Variants in SLC25A24 observed in about 807,000 individuals in gnomAD.
SLC25A24 encodes mitochondrial adenyl nucleotide antiporter SLC25A24.
Under a neutral mutation model 60.7 loss-of-function variants are expected in SLC25A24, and 49 were observed. That is an observed-to-expected ratio of 0.81 (90% confidence interval 0.64 to 1.02). The LOEUF is 1.02. Ranked by LOEUF, SLC25A24 falls within the 50% of genes least tolerant of loss-of-function variation. The probability of loss-of-function intolerance (pLI) is 0.00; values close to 1 mark genes in which losing one functional copy is unlikely to be tolerated. For missense variants in SLC25A24, 564 were observed against 586.3 expected (o/e 0.96, Z 0.39); for synonymous variants, 202 against 200.6 (o/e 1.01, Z -0.06).
intron 6 of SLC25A24, among the ~76,000 whole-genome samples, chr1:108,150,801 T>C (rs776705194): frequency 4.6e-5 from 7 of 152,166 alleles, no homozygotes; most frequent in Admixed American, 2.6e-4. Flanking sequence ...ACAAACTCCC[T>C]TGAAACACCT....
chr1:108,152,515 C>T (rs10881507), intron 6 of SLC25A24, among the ~76,000 whole-genome samples: 75,684 of 151,958 alleles, frequency 0.5, 19,298 homozygotes, highest in African/African-American at 0.6. Context: ...CACCCCCACG[C>T]CCAACTAATT....
chr1:108,163,436 G>A (rs941274191), intron 3 of SLC25A24, among the ~76,000 whole-genome samples: 14 of 150,422 alleles, frequency 9.3e-5, no homozygotes, highest in Non-Finnish European at 1.9e-4. Flanking sequence ...AGCATGGAAT[G>A]TTCTTCCATT....
At chr1:108,148,410 C>T (rs778182171) in intron 6 of SLC25A24, 24 bp from the exon 7 acceptor site, 4 of 1,292,318 alleles carry the variant, frequency 3.1e-6, no homozygotes, top group South Asian at 1.2e-5. Flanking sequence ...TTTTAAAATG[C>T]ACATTACTAC....
Position 108,139,060 on chromosome 1 carries a change from T to G in SLC25A24, c.1247A>C (p.Gln416Pro). The change falls in exon 9 of 10, where the codon CAA becomes CCA. Residue 416 changes from glutamine to proline, a missense_variant and splice_region_variant. Coordinates refer to ENST00000565488, the MANE Select transcript of SLC25A24 (RefSeq NM_013386.5). ...TGGTTCTGTAATCAAAAATTCACCT[T>G]GAGCCTGCATGCGAGTTCTCACCAA... ...LALVRTRMQA[Q>P]AMLEGSPQLN... 2 of 1,583,492 alleles carry G rather than the reference T, an allele frequency of 1.3e-6. No homozygotes were observed. Among genetic ancestry groups the G allele is most frequent in the East Asian group, 2.3e-5 (1 of 44,036 alleles).
At position 108,136,855 on chromosome 1, in the gene SLC25A24, A is replaced by T. The variant is rs1558005221; in HGVS notation, c.1250-18T>A. The T allele has an allele frequency of 1.2e-6, 2 of 1,605,132 alleles. No individual in the cohort carries two copies. Among genetic ancestry groups the T allele is most frequent in the South Asian group, 2.2e-5 (2 of 90,384 alleles). Reference sequence around the variant, plus strand: ...TAACATGGCTAAAAAATAAAAAAAGAGGGTAATTTAATATTCAAGTATGTT... The same window carrying T: ...TAACATGGCTAAAAAATAAAAAAAGTGGGTAATTTAATATTCAAGTATGTT... On this transcript the variant is annotated intron_variant, in intron 9 of 9. Coordinates refer to ENST00000565488, the MANE Select transcript of SLC25A24 (RefSeq NM_013386.5).
At chr1:108,176,659 C>A (rs1374157686) in intron 3 of SLC25A24, among the ~76,000 whole-genome samples, 1 of 152,076 alleles carries the variant, frequency 6.6e-6, no homozygotes, top group Non-Finnish European at 1.5e-5. Flanking sequence ...ATAAGACAGT[C>A]CCAATATGGT....
At chr1:108,180,351 C>T (rs554727204) in intron 3 of SLC25A24, among the ~76,000 whole-genome samples, 2 of 150,516 alleles carry the variant, frequency 1.3e-5, no homozygotes, top group South Asian at 4.2e-4. Context: ...GGCAACAGAG[C>T]TAGACTCCAT....
chr1:108,148,529 T>C (rs1332209774), intron 6 of SLC25A24, 143 bp from the exon 7 acceptor site: 3 of 613,852 alleles, frequency 4.9e-6, no homozygotes, highest in South Asian at 1.9e-5. Context: ...GGTTATGAGG[T>C]CATGAGGATG....
chr1:108,160,167 G>C (rs1287839943), intron 4 of SLC25A24, among the ~76,000 whole-genome samples: 1 of 152,110 alleles, frequency 6.6e-6, no homozygotes, highest in Non-Finnish European at 1.5e-5. Flanking sequence ...AGACGGGGCG[G>C]CTGCCGGGCG....
intron 3 of SLC25A24, among the ~76,000 whole-genome samples, chr1:108,168,958 G>A (rs929409174): frequency 6.6e-6 from 1 of 152,200 alleles, no homozygotes; most frequent in African/African-American, 2.4e-5. Context: ...ACCACCTCAA[G>A]CTGTTATAGT....
intron 3 of SLC25A24, among the ~76,000 whole-genome samples, chr1:108,169,088 T>G (rs1422899392): frequency 2.6e-5 from 4 of 152,336 alleles, no homozygotes; most frequent in Admixed American, 2.6e-4. Context: ...CCCAAAGTTT[T>G]GCAAAGCTAC....
intron 6 of SLC25A24, 58 bp from the exon 7 acceptor site, chr1:108,148,444 C>T (rs1679667059): frequency 2.1e-6 from 2 of 931,874 alleles, no homozygotes; most frequent in African/African-American, 1.6e-5. Context: ...AGCTGCACCC[C>T]CACCAAATTC....
At chr1:108,180,652 CTCTCTCTCTCTCTCTG>C (rs1647892386) in intron 3 of SLC25A24, among the ~76,000 whole-genome samples, 1 of 135,862 alleles carries the variant, frequency 7.4e-6, no homozygotes. Flanking sequence ...CTCTCTCTCT[CTCTCTCTCTCTCTCTG>C]CCATATGACA....
intron 3 of SLC25A24, among the ~76,000 whole-genome samples, chr1:108,164,019 CA>C (rs963484387): frequency 6.6e-6 from 1 of 152,174 alleles, no homozygotes; most frequent in African/African-American, 2.4e-5. Flanking sequence ...TGAATTTTGT[CA>C]AAGGCTTTTT....
chr1:108,144,787 T>C (rs1679541781), intron 7 of SLC25A24, among the ~76,000 whole-genome samples: 1 of 152,206 alleles, frequency 6.6e-6, no homozygotes, highest in Admixed American at 6.5e-5. Context: ...TGCATAGTAT[T>C]CCATGGTGTA....
At chr1:108,143,295 T>C (rs919536414) in intron 8 of SLC25A24, among the ~76,000 whole-genome samples, 1 of 152,208 alleles carries the variant, frequency 6.6e-6, no homozygotes, top group African/African-American at 2.4e-5. Flanking sequence ...AAACACCTTT[T>C]AAGGTGAACA....
At chr1:108,195,744 A>C (rs1308831339) in intron 1 of SLC25A24, among the ~76,000 whole-genome samples, 2 of 152,212 alleles carry the variant, frequency 1.3e-5, no homozygotes, top group African/African-American at 2.4e-5. Flanking sequence ...CATGCCTGTA[A>C]TCTTAGCACT....
chr1:108,182,772 G>T (rs1044340502), intron 2 of SLC25A24, among the ~76,000 whole-genome samples: 7 of 152,096 alleles, frequency 4.6e-5, no homozygotes, highest in Admixed American at 1.3e-4. Context: ...GGCGGAGGTT[G>T]CAGTGAGCTG....
rs953593106 is a variant in SLC25A24, at chr1:108,135,348, T to C, written c.*1305A>G. ...CATCATTAGATTTTCATTAAAATGC[T>C]GGAAATTTATAACAGAAATTATTAG... On this transcript the variant is annotated 3_prime_UTR_variant, in exon 10 of 10. Coordinates refer to ENST00000565488, the MANE Select transcript of SLC25A24 (RefSeq NM_013386.5). 2.0e-5 allele frequency: 3 copies of C among 152,610 alleles called. No homozygotes were observed. Among genetic ancestry groups the C allele is most frequent in the African/African-American group, 7.2e-5 (3 of 41,470 alleles). 9.5% of individuals were successfully genotyped at this position (152,610 alleles called of 1,614,324 possible). A position where few individuals can be genotyped will look rare whatever the true frequency, so the allele number is the denominator to read the frequency against.
Sources: allele counts gnomAD v4.1 joint callset (sites outside exome capture counted in the v4.1 genomes callset), GRCh38; gene constraint gnomAD v4.1.1; transcripts MANE v1.5; gene names NCBI Gene and HGNC (gene_info 2026-07-23, HGNC 2026-07-21).